Variants in LMF1 observed in about 807,000 individuals in gnomAD.
The protein encoded by LMF1 is transmembrane protein 112.
In LMF1, 68 loss-of-function variants were observed where a neutral mutation model predicts 60.6. The ratio of observed to expected loss-of-function variants is 1.12; its 90% CI spans 0.92 to 1.37. The LOEUF (loss-of-function observed/expected upper bound fraction) is 1.37. Ranked by LOEUF, LMF1 falls within the 40% of genes most tolerant of loss-of-function variation. LMF1 has a pLI of 0.00. For missense variants in LMF1, 948 were observed against 767.2 expected (o/e 1.24, Z -2.78); for synonymous variants, 418 against 324.7 (o/e 1.29, Z -3.09).
rs2072834826 is a variant in LMF1, at chr16:962,624, A to G, written c.194-7958T>C. The stretch of plus-strand genomic sequence containing the variant: ...TGCGAGGAAACACCAGACGGACCCA[A>G]CGTGAGGGACGCTCTACAGACGCCA... On this transcript the variant is annotated intron_variant, in intron 1 of 10. Coordinates refer to ENST00000262301, the MANE Select transcript of LMF1 (RefSeq NM_022773.4). This position sits in a 1 kb window ranked among gnomAD's most constrained non-coding sequence, Gnocchi z 4.5. Among the ~76,000 whole-genome samples the G allele has an allele frequency of 1.3e-5, 2 of 152,280 alleles. No individual in the cohort carries two copies. Among genetic ancestry groups the G allele is most frequent in the South Asian group, 4.2e-4 (2 of 4,816 alleles).
rs1387921472 is a variant in LMF1, at chr16:869,974, T to G, written c.1325A>C (p.Lys442Thr). Residue 442 changes from lysine (K) to threonine (T), a missense_variant, in exon 9 of 11, where the codon AAG becomes ACG. Coordinates refer to ENST00000262301, the MANE Select transcript of LMF1 (RefSeq NM_022773.4). Reference sequence around the variant, plus strand: ...TCTGCTGGGGTCACCTGGCTTGCACTTGAACTCGTAGTCCTCCCACATGGC... The same window carrying G: ...TCTGCTGGGGTCACCTGGCTTGCACGTGAACTCGTAGTCCTCCCACATGGC... ...PDAMWEDYEF[K>T]CKPGDPSRRP... 1.2e-6 allele frequency: 2 copies of G among 1,613,324 alleles called. No homozygotes were observed. The highest frequency in any genetic ancestry group is 4.5e-5 in the East Asian group (2 of 44,876).
rs373925582 is a variant in LMF1 at position 949,850 on chromosome 16, C to T, written c.503+4507G>A. 5.3e-3 allele frequency among the ~76,000 whole-genome samples: 508 copies of T among 95,672 alleles called. 6 individuals are homozygous for T. The highest frequency in any genetic ancestry group is 0.011 in the Middle Eastern group (2 of 188). The allele number at this position is 95,672 out of a possible 152,430, so 62.8% of individuals were successfully genotyped here. A position where few individuals can be genotyped will look rare whatever the true frequency, so the allele number is the denominator to read the frequency against. On this transcript the variant is annotated intron_variant, in intron 2 of 10. Coordinates refer to ENST00000262301, the MANE Select transcript of LMF1 (RefSeq NM_022773.4). ...GAGACAACGACAGAGTTAGAGACAA[C>T]GACAGAGTCAGCCAAGGACAGCGTC...
At chr16:920,149 T>C (rs894883910) in intron 3 of LMF1, among the ~76,000 whole-genome samples, 6 of 150,390 alleles carry the variant, frequency 4.0e-5, no homozygotes, top group African/African-American at 1.5e-4. Context: ...CAACAAGACA[T>C]TCACACTGGC....
chr16:916,571 G>C (rs570110864), intron 3 of LMF1, among the ~76,000 whole-genome samples: 1 of 152,234 alleles, frequency 6.6e-6, no homozygotes, highest in Non-Finnish European at 1.5e-5. Context: ...TGGGGAGTTC[G>C]GCTCTCGCTG....
Position 962,785 on chromosome 16 carries a change from C to T in LMF1, c.193+8003G>A, listed in dbSNP as rs1034042032. 3.9e-5 allele frequency among the ~76,000 whole-genome samples: 6 copies of T among 152,130 alleles called. No homozygotes were observed. The highest frequency in any genetic ancestry group is 8.8e-5 in the Non-Finnish European group (6 of 68,028). ...ACGGAACAGGCACGGGTGGAAAAGC[C>T]ATAGAGTCTGCAGTTTCAGTTAATA... On this transcript the variant is annotated intron_variant, in intron 1 of 10. Coordinates refer to ENST00000262301, the MANE Select transcript of LMF1 (RefSeq NM_022773.4). This position sits in a 1 kb window ranked among gnomAD's most constrained non-coding sequence, Gnocchi z 4.5.
At chr16:893,310 T>C in intron 4 of LMF1, 1 of 607,042 alleles carries the variant, frequency 1.6e-6, no homozygotes. Context: ...TGAGCAACAG[T>C]GGCTTCCTTT....
rs772298418 is a variant in LMF1 at position 854,699 on chromosome 16, G to A, written c.1537C>T (p.Arg513Ter). ...AACTTGTACCTGTAGTGCTCTCCTC[G>A]GACCCACCTGCAAGGGGGCACATGT... is the stretch of plus-strand genomic sequence containing the variant. The part of the protein sequence containing the change: ...FAGRPPPRWV[R>*]GEHYRYKFSR... The change falls in exon 11 of 11, where the codon CGA becomes TGA. Residue 513 changes from arginine (R) to a stop codon, truncating the protein, a stop_gained. Coordinates refer to ENST00000262301, the MANE Select transcript of LMF1 (RefSeq NM_022773.4). LOFTEE classifies it low-confidence loss of function (END_TRUNC). 7.6e-6 allele frequency: 12 copies of A among 1,588,876 alleles called. No homozygotes were observed. Among genetic ancestry groups the A allele is most frequent in the African/African-American group, 2.7e-5 (2 of 74,462 alleles).
intron 10 of LMF1, among the ~76,000 whole-genome samples, chr16:862,660 C>T (rs944993683): frequency 2.0e-5 from 3 of 151,974 alleles, no homozygotes; most frequent in African/African-American, 7.3e-5. Flanking sequence ...GAGTTTGGGA[C>T]CAGCCAGGGC....
At chr16:893,458 C>T in intron 4 of LMF1, 1 of 453,124 alleles carries the variant, frequency 2.2e-6, no homozygotes, top group South Asian at 1.6e-5. Context: ...TCAGTGCCTC[C>T]AGGATGAGCC....
rs185909122 is a variant in LMF1, at chr16:954,139, A to C, written c.503+218T>G. The C allele has an allele frequency of 5.0e-5, 34 of 679,854 alleles. No homozygotes were observed. The African/African-American group carries it at 6.0e-4, about 12-fold the overall frequency. 42.1% of individuals were successfully genotyped at this position (679,854 alleles called of 1,614,324 possible). A position where few individuals can be genotyped will look rare whatever the true frequency, so the allele number is the denominator to read the frequency against. On this transcript the variant is annotated intron_variant, in intron 2 of 10. Coordinates refer to ENST00000262301, the MANE Select transcript of LMF1 (RefSeq NM_022773.4). ...CAACGCAGTCCTTTAAGTAAGGAAG[A>C]GCTACTGCAAAGAGGTGGGGTTTTA... is the stretch of plus-strand genomic sequence containing the variant.
chr16:855,641 G>C (rs1266737076), intron 10 of LMF1: 1 of 452,836 alleles, frequency 2.2e-6, no homozygotes, highest in South Asian at 1.6e-5. Context: ...TCAGCCCACA[G>C]GGCGGCTGCT....
intron 1 of LMF1, chr16:976,594 G>T (rs1266248658): frequency 2.2e-6 from 1 of 454,116 alleles, no homozygotes; most frequent in Non-Finnish European, 4.4e-6. Context: ...AGGACCCTCT[G>T]CCCATTATCA....
intron 3 of LMF1, among the ~76,000 whole-genome samples, chr16:914,511 C>CA (rs2071216249): frequency 7.0e-6 from 1 of 143,780 alleles, no homozygotes; most frequent in East Asian, 2.0e-4. Flanking sequence ...CCCTCCCTTC[C>CA]ATGACCATTG....
At chr16:931,742 C>T (rs1384087528) in intron 3 of LMF1, 24 of 1,287,232 alleles carry the variant, frequency 1.9e-5, no homozygotes, top group Middle Eastern at 3.3e-4. Flanking sequence ...GCCGAAGCTA[C>T]TACGAGTCTT....
At chr16:893,730 C>G (rs1327663034) in intron 4 of LMF1, among the ~76,000 whole-genome samples, 1 of 152,034 alleles carries the variant, frequency 6.6e-6, no homozygotes, top group Non-Finnish European at 1.5e-5. Flanking sequence ...GGGGAAGGGT[C>G]GGCTCCCACA....
intron 1 of LMF1, chr16:980,440 G>A (rs939905564): frequency 6.6e-6 from 1 of 152,306 alleles, no homozygotes; most frequent in Admixed American, 6.5e-5. Context: ...GACTTTTCTA[G>A]TAACGGACCA....
At chr16:959,822 C>T (rs59802517) in intron 1 of LMF1, among the ~76,000 whole-genome samples, 28,242 of 152,008 alleles carry the variant, frequency 0.19, 2,903 homozygotes, top group South Asian at 0.31. Context: ...TCAGATGGGC[C>T]AGCAGGGAAG....
intron 10 of LMF1, among the ~76,000 whole-genome samples, chr16:867,411 C>T (rs562036357): frequency 6.6e-6 from 1 of 152,314 alleles, no homozygotes; most frequent in South Asian, 2.1e-4. Context: ...TCTGGGCCAG[C>T]TCCAGGGTCC....
At chr16:914,727 C>T in intron 3 of LMF1, among the ~76,000 whole-genome samples, 1 of 14,556 alleles carries the variant, frequency 6.9e-5, no homozygotes, top group Non-Finnish European at 1.3e-4. Flanking sequence ...TGGTGACACT[C>T]TCCCTCCCTC....
Sources: allele counts gnomAD v4.1 joint callset (sites outside exome capture counted in the v4.1 genomes callset), GRCh38; gene constraint gnomAD v4.1.1; non-coding constraint Gnocchi (gnomAD v3.1); transcripts MANE v1.5; gene names NCBI Gene and HGNC (gene_info 2026-07-23, HGNC 2026-07-21).